TNFRSF13B: variants seen among roughly 807,000 people sequenced by gnomAD.
The protein encoded by TNFRSF13B is tumor necrosis factor receptor superfamily member 13B.
Under a neutral mutation model 24.0 loss-of-function variants are expected in TNFRSF13B, and 34 were observed. The ratio of observed to expected loss-of-function variants is 1.41; its 90% CI spans 1.08 to 1.88. The LOEUF is 1.88. Ranked by LOEUF, TNFRSF13B falls within the 40% of genes most tolerant of loss-of-function variation. The pLI is 0.00. For synonymous variants in TNFRSF13B, 173 were observed against 150.3 expected (o/e 1.15, Z -1.10); for missense variants, 415 against 380.8 (o/e 1.09, Z -0.75).
chr17:16,962,334 C>T (rs960341094), intron 1 of TNFRSF13B, among the ~76,000 whole-genome samples: 1 of 152,226 alleles, frequency 6.6e-6, no homozygotes, highest in East Asian at 1.9e-4. Context: ...TGGTGAAACC[C>T]TGTCTTCACT....
intron 2 of TNFRSF13B, 46 bp from the exon 3 acceptor site, chr17:16,949,029 A>T: frequency 6.2e-7 from 1 of 1,613,404 alleles, no homozygotes; most frequent in Non-Finnish European, 8.5e-7. Context: ...ACAGACTAGC[A>T]GGAACTCTGG....
intron 3 of TNFRSF13B, among the ~76,000 whole-genome samples, chr17:16,944,884 G>A (rs1597659226): frequency 6.6e-6 from 1 of 152,176 alleles, no homozygotes; most frequent in African/African-American, 2.4e-5. Context: ...CCCTTCCACC[G>A]TGTGCAGCTG....
chr17:16,940,399 G>A lies in TNFRSF13B; in HGVS notation c.558C>T (p.Leu186=). 4 of 1,614,094 alleles carry A rather than the reference G, an allele frequency of 2.5e-6. No homozygotes were observed. Among genetic ancestry groups the A allele is most frequent in the Non-Finnish European group, 3.4e-6 (4 of 1,180,034 alleles). ...AGGAGCAGGGATCCCCCCTCTTCTT[G>A]AGGAAGCAGGCCACCGCCACCAGGA... ...CCFLVAVACF[L]KKRGDPCSCQ... The change falls in exon 4 of 5, where the codon CTC becomes CTT. Residue 186 remains leucine (L), a synonymous_variant. Transcript: ENST00000261652.
rs2087495381 is a variant in TNFRSF13B, at chr17:16,939,805, G to A, written c.632-8C>T. On this transcript the variant is annotated splice_region_variant and splice_polypyrimidine_tract_variant and intron_variant, in intron 4 of 4. Coordinates refer to ENST00000261652, the MANE Select transcript of TNFRSF13B (RefSeq NM_012452.3). ...CGGCTTCCATCGCGTGATCTGCAGAGGCGAGAGTGGAGGGCGTGGGCCAGG... is the reference window on the plus strand; with the variant it reads ...CGGCTTCCATCGCGTGATCTGCAGAAGCGAGAGTGGAGGGCGTGGGCCAGG... The A allele has an allele frequency of 5.6e-6, 9 of 1,610,326 alleles. No individual in the cohort carries two copies. The highest frequency in any genetic ancestry group is 7.6e-6 in the Non-Finnish European group (9 of 1,178,858).
chr17:16,958,930 T>C (rs1336015561), intron 1 of TNFRSF13B, among the ~76,000 whole-genome samples: 1 of 151,782 alleles, frequency 6.6e-6, no homozygotes, highest in Non-Finnish European at 1.5e-5. Context: ...AATAAGAAAA[T>C]AGAGGACATC....
At chr17:16,948,299 C>G (rs558410145) in intron 3 of TNFRSF13B, among the ~76,000 whole-genome samples, 1 of 151,980 alleles carries the variant, frequency 6.6e-6, no homozygotes. Flanking sequence ...AAGCAACATA[C>G]CCATGTAACA....
intron 1 of TNFRSF13B, among the ~76,000 whole-genome samples, chr17:16,964,007 A>G (rs1475716388): frequency 1.3e-5 from 2 of 152,148 alleles, no homozygotes. Context: ...AGGGATGTGC[A>G]TGGGAATGGA....
intron 3 of TNFRSF13B, among the ~76,000 whole-genome samples, chr17:16,944,139 G>A (rs990985192): frequency 2.0e-5 from 3 of 152,136 alleles, no homozygotes; most frequent in Admixed American, 6.5e-5. Context: ...TGCTTCTGTG[G>A]AGTGGCCACC....
chr17:16,946,162 C>A (rs139073569), intron 3 of TNFRSF13B, among the ~76,000 whole-genome samples: 8 of 152,350 alleles, frequency 5.3e-5, no homozygotes, highest in Non-Finnish European at 1.0e-4. Flanking sequence ...CCAGGCTAAG[C>A]AGGGACAACA....
At chr17:16,940,070 G>A in intron 4 of TNFRSF13B, 2 of 1,080,326 alleles carry the variant, frequency 1.9e-6, no homozygotes, top group East Asian at 2.6e-5. Flanking sequence ...AGCCCTGAAG[G>A]CTCTGCATCT....
intron 1 of TNFRSF13B, among the ~76,000 whole-genome samples, chr17:16,970,642 C>T (rs535977252): frequency 5.0e-4 from 76 of 152,122 alleles, no homozygotes; most frequent in Non-Finnish European, 8.5e-4. Context: ...TGAGGGGAAG[C>T]GGCTCAGCCA....
intron 3 of TNFRSF13B, among the ~76,000 whole-genome samples, chr17:16,943,397 C>T (rs1032117248): frequency 6.6e-6 from 1 of 152,206 alleles, no homozygotes; most frequent in African/African-American, 2.4e-5. Context: ...CCAGTGTCTG[C>T]AGGACACAGA....
chr17:16,940,848 A>G, intron 3 of TNFRSF13B: 1 of 1,232,446 alleles, frequency 8.1e-7, no homozygotes, highest in Non-Finnish European at 1.0e-6. Context: ...TCCAGGGAGC[A>G]TGTCTCTGTG....
chr17:16,939,319 CCTT>C lies in TNFRSF13B; in HGVS notation c.*225_*227del, dbSNP rs1287807702. 2.0e-5 allele frequency: 11 copies of C among 540,918 alleles called. No homozygotes were observed. Among genetic ancestry groups the C allele is most frequent in the Admixed American group, 7.2e-5 (2 of 27,730 alleles). The allele number at this position is 540,918 out of a possible 1,614,324, so 33.5% of individuals were successfully genotyped here. A position where few individuals can be genotyped will look rare whatever the true frequency, so the allele number is the denominator to read the frequency against. ...TGCCTCTCTCCCTCTCTGCCTCTCTCCTTCTCTGCCTGTCTCTTTCCTTCTCTG... is the reference window on the plus strand; with the variant it reads ...TGCCTCTCTCCCTCTCTGCCTCTCTCCTCTGCCTGTCTCTTTCCTTCTCTG... On this transcript the variant is annotated 3_prime_UTR_variant, in exon 5 of 5. Transcript: ENST00000261652.
chr17:16,954,019 C>T (rs1236143818), intron 1 of TNFRSF13B, among the ~76,000 whole-genome samples: 1 of 152,212 alleles, frequency 6.6e-6, no homozygotes, highest in East Asian at 1.9e-4. Context: ...CCCGAGTCGG[C>T]CTCCCAAAGT....
intron 1 of TNFRSF13B, among the ~76,000 whole-genome samples, chr17:16,965,362 C>T (rs72835988): frequency 0.34 from 52,049 of 152,038 alleles, 10,964 homozygotes; most frequent in Non-Finnish European, 0.47. Context: ...GAACCCACTG[C>T]TGGGTGACAT....
chr17:16,971,221 C>T (rs2087741463), intron 1 of TNFRSF13B, among the ~76,000 whole-genome samples: 1 of 151,954 alleles, frequency 6.6e-6, no homozygotes, highest in Non-Finnish European at 1.5e-5. Context: ...TGGTGGTGGG[C>T]ACCTATAATC....
chr17:16,963,528 G>GTTTTGTTTTTGT (rs113941395), intron 1 of TNFRSF13B, among the ~76,000 whole-genome samples: 9 of 150,992 alleles, frequency 6.0e-5, no homozygotes, highest in South Asian at 4.3e-4. Flanking sequence ...TTCTTATCAA[G>GTTTTGTTTTTGT]TTTTGTTTTT....
Position 16,972,055 on chromosome 17 carries a change from G to A in TNFRSF13B, c.21C>T (p.Ser7=), listed in dbSNP as rs780461208. 2 of 1,613,884 alleles carry A rather than the reference G, an allele frequency of 1.2e-6. No individual in the cohort carries two copies. Among genetic ancestry groups the A allele is most frequent in the Admixed American group, 1.7e-5 (1 of 60,016 alleles). Residue 7 remains serine, a synonymous_variant, in exon 1 of 5, where the codon AGC becomes AGT. Transcript: ENST00000261652. MSGLGR[S]RRGGRSRVDQ... is the part of the protein sequence containing the mutation. ...CCACACGGCTCCGGCCACCTCGCCTGCTCCGGCCCAGGCCACTCATTACTC... is the reference window on the plus strand; with the variant it reads ...CCACACGGCTCCGGCCACCTCGCCTACTCCGGCCCAGGCCACTCATTACTC...
Sources: allele counts gnomAD v4.1 joint callset (sites outside exome capture counted in the v4.1 genomes callset), GRCh38; gene constraint gnomAD v4.1.1; transcripts MANE v1.5; gene names NCBI Gene and HGNC (gene_info 2026-07-23, HGNC 2026-07-21).